TMEM218: variants seen among roughly 807,000 people sequenced by gnomAD.
TMEM218 encodes transmembrane protein 218.
Under a neutral mutation model 10.0 loss-of-function variants are expected in TMEM218, and 8 were observed. That is an observed-to-expected ratio of 0.80 (90% CI 0.47 to 1.44). The LOEUF (loss-of-function observed/expected upper bound fraction) is 1.44. TMEM218 is among the 40% of genes most tolerant of loss of function. TMEM218 has a pLI of 0.00. For missense variants in TMEM218, 110 were observed against 140.1 expected, an observed-to-expected ratio of 0.79 and a Z score of 1.08; for synonymous variants, 66 against 63.5, an observed-to-expected ratio of 1.04 and a Z score of -0.18.
chr11:125,097,403 G>C lies in TMEM218; in HGVS notation c.*203C>G, dbSNP rs1195076959. The C allele has an allele frequency of 2.0e-6, 1 of 501,878 alleles. No homozygotes were observed. Among genetic ancestry groups the C allele is most frequent in the East Asian group, 3.1e-5 (1 of 32,150 alleles). The allele number at this position is 501,878 out of a possible 1,614,324, so 31.1% of individuals were successfully genotyped here. Reference sequence around the variant, plus strand: ...AGATAGCAATATCCTTCTTAAGCTGGTAAGAATCTAGCCCCACAGGGACAA... The same window carrying C: ...AGATAGCAATATCCTTCTTAAGCTGCTAAGAATCTAGCCCCACAGGGACAA... On this transcript the variant is annotated 3_prime_UTR_variant, in exon 5 of 5. Coordinates refer to ENST00000682305, the MANE Select transcript of TMEM218 (RefSeq NM_001258244.2).
chr11:125,111,319 A>C (rs1953952593), intron 1 of TMEM218, among the ~76,000 whole-genome samples: 1 of 152,208 alleles, frequency 6.6e-6, no homozygotes, highest in Non-Finnish European at 1.5e-5. Context: ...AAGAGATCTG[A>C]ATCAGGCACT....
At position 125,097,376 on chromosome 11, in the gene TMEM218, G is replaced by A; in HGVS notation, c.*230C>T. On this transcript the variant is annotated 3_prime_UTR_variant, in exon 5 of 5. Transcript: ENST00000682305. Reference sequence around the variant, plus strand: ...GGAAATCCTAAGGTACGGGTACTAAGAAGATAGCAATATCCTTCTTAAGCT... The same window carrying A: ...GGAAATCCTAAGGTACGGGTACTAAAAAGATAGCAATATCCTTCTTAAGCT... The A allele has an allele frequency of 2.4e-6, 1 of 415,800 alleles. No homozygotes were observed. Among genetic ancestry groups the A allele is most frequent in the East Asian group, 3.7e-5 (1 of 27,280 alleles). The allele number at this position is 415,800 out of a possible 1,614,324, so 25.8% of individuals were successfully genotyped here.
At chr11:125,107,204 T>C (rs1001708348) in intron 1 of TMEM218, among the ~76,000 whole-genome samples, 5 of 152,300 alleles carry the variant, frequency 3.3e-5, no homozygotes, top group Admixed American at 2.6e-4. Flanking sequence ...ATAGTGACTG[T>C]AGGAGGTTCA....
Position 125,102,269 on chromosome 11 carries a change from G to C in TMEM218, c.-28C>G. 6.2e-7 allele frequency: 1 copy of C among 1,606,164 alleles called. No individual in the cohort carries two copies. The highest frequency in any genetic ancestry group is 8.5e-7 in the Non-Finnish European group (1 of 1,177,164). On this transcript the variant is annotated 5_prime_UTR_variant, in exon 3 of 5. Coordinates refer to ENST00000682305, the MANE Select transcript of TMEM218 (RefSeq NM_001258244.2). ...CGCGGGGAGGCAGCGGCGGCCCCCC[G>C]CCCTGCGCGCCGCACGATCGAGTGT...
rs1177052218 is a variant in TMEM218, at chr11:125,097,643, A to G, written c.311T>C (p.Leu104Pro). The change falls in exon 5 of 5, where the codon CTG (leucine) becomes CCG (proline). Residue 104 changes from leucine (L) to proline (P), a missense_variant. Coordinates refer to ENST00000682305, the MANE Select transcript of TMEM218 (RefSeq NM_001258244.2). ...CAGTGGTTTGGCATAGATCGGCTCCAGAACATAATGGATTAAAACCAAGAA... is the reference window on the plus strand; with the variant it reads ...CAGTGGTTTGGCATAGATCGGCTCCGGAACATAATGGATTAAAACCAAGAA... ...GLFLVLIHYV[L>P]EPIYAKPLHS... 1.9e-6 allele frequency: 3 copies of G among 1,614,078 alleles called. No homozygotes were observed. The Admixed American group carries it at 5.0e-5, about 27-fold the overall frequency.
At chr11:125,109,237 TATG>T (rs1169606031) in intron 1 of TMEM218, among the ~76,000 whole-genome samples, 1 of 152,234 alleles carries the variant, frequency 6.6e-6, no homozygotes, top group Non-Finnish European at 1.5e-5. Context: ...GAACCCACAG[TATG>T]ATACTACTTG....
At chr11:125,097,817 G>T in intron 4 of TMEM218, 77 bp from the exon 5 acceptor site, 1 of 1,432,914 alleles carries the variant, frequency 7.0e-7, no homozygotes, top group Non-Finnish European at 9.6e-7. Flanking sequence ...TCCATGATGA[G>T]TGGGCCAAGA....
chr11:125,102,666 G>T (rs1291603517), intron 2 of TMEM218, 68 bp downstream of exon 2: 1 of 1,292,934 alleles, frequency 7.7e-7, no homozygotes, highest in Non-Finnish European at 1.0e-6. Context: ...ACCAGGGCAT[G>T]GGAACTCCAG....
chr11:125,101,951 C>G, intron 3 of TMEM218, 181 bp downstream of exon 3: 1 of 701,586 alleles, frequency 1.4e-6, no homozygotes, highest in Non-Finnish European at 2.2e-6. Context: ...CTTCTCCTCC[C>G]ATCTCTGCTC....
chr11:125,106,610 A>G (rs988540714), intron 1 of TMEM218, among the ~76,000 whole-genome samples: 17 of 152,240 alleles, frequency 1.1e-4, no homozygotes, highest in Non-Finnish European at 2.2e-4. Flanking sequence ...TCATCCGGAA[A>G]TTGCAAATTA....
chr11:125,099,806 CTCAGCTACTCGG>C (rs1224990684), intron 4 of TMEM218, among the ~76,000 whole-genome samples: 1 of 152,058 alleles, frequency 6.6e-6, no homozygotes, highest in East Asian at 1.9e-4. Flanking sequence ...TGCCTATAAT[CTCAGCTACTCGG>C]GAGGCTGAGG....
At position 125,094,769 on chromosome 11, in the gene TMEM218, GT is replaced by G. The variant is rs1373827047; in HGVS notation, c.*2836del. 6.6e-6 allele frequency among the ~76,000 whole-genome samples: 1 copy of G among 152,206 alleles called. No homozygotes were observed. Among genetic ancestry groups the G allele is most frequent in the Non-Finnish European group, 1.5e-5 (1 of 68,038 alleles). On this transcript the variant is annotated 3_prime_UTR_variant, in exon 5 of 5. Transcript: ENST00000682305. Reference sequence around the variant, plus strand: ...CAGAACAAAAAATGGATTGCTTTATGTTAGAATAAAAACATTTAAAAATAAA... The same window carrying G: ...CAGAACAAAAAATGGATTGCTTTATGTAGAATAAAAACATTTAAAAATAAA...
rs138480376 is a variant in TMEM218, at chr11:125,101,227, A to G, written c.187T>C (p.Phe63Leu). 1.7e-5 allele frequency: 28 copies of G among 1,613,756 alleles called. 1 individual carries two copies. The African/African-American group carries it at 2.9e-4, about 17-fold the overall frequency. The change falls in exon 4 of 5, where the codon TTC becomes CTC. Residue 63 changes from phenylalanine (F) to leucine (L), a missense_variant. By Grantham distance (22) the Phe-to-Leu change is conservative. Coordinates refer to ENST00000682305, the MANE Select transcript of TMEM218 (RefSeq NM_001258244.2). ...TTAACTTCCACTTCTGGGGCTGGGA[A>G]TTCACCAGCTCGCGGGAAAAGCAAC... is the stretch of plus-strand genomic sequence containing the variant. ...VLLLFPRAGEFPAPEVEVKIV... is the reference protein window; with the variant it reads ...VLLLFPRAGELPAPEVEVKIV...
chr11:125,097,760 A>C lies in TMEM218; in HGVS notation c.214-20T>G. On this transcript the variant is annotated intron_variant, in intron 4 of 4. Coordinates refer to ENST00000682305, the MANE Select transcript of TMEM218 (RefSeq NM_001258244.2). ...CACAATCTGGAGAAAGAAAACATCAAAATGAAATTACTACCAGTTAGACAC... is the reference window on the plus strand; with the variant it reads ...CACAATCTGGAGAAAGAAAACATCACAATGAAATTACTACCAGTTAGACAC... 11 of 1,611,060 alleles carry C rather than the reference A, an allele frequency of 6.8e-6. No individual in the cohort carries two copies. The highest frequency in any genetic ancestry group is 9.3e-6 in the Non-Finnish European group (11 of 1,178,542).
intron 4 of TMEM218, among the ~76,000 whole-genome samples, chr11:125,099,921 CAAAAAAAAAA>C (rs34211632): frequency 1.0e-5 from 1 of 100,402 alleles, no homozygotes; most frequent in Non-Finnish European, 1.9e-5. Context: ...GAGACTGTCT[CAAAAAAAAAA>C]AAAAAAAAAA....
In TMEM218 at chr11:125,102,009, C is replaced by A; in HGVS notation, c.110+123G>T. 14 of 1,128,144 alleles carry A rather than the reference C, an allele frequency of 1.2e-5. No individual in the cohort carries two copies. In the South Asian group the frequency reaches 2.3e-4, roughly 19 times the overall value. 69.9% of individuals were successfully genotyped at this position (1,128,144 alleles called of 1,614,324 possible). A position where few individuals can be genotyped will look rare whatever the true frequency, so the allele number is the denominator to read the frequency against. On this transcript the variant is annotated intron_variant, in intron 3 of 4. Transcript: ENST00000682305. ...GTGTTTATAAAAAGAGGTTAAAATG[C>A]AACTCATTCAAACTGCCAGTAATTA...
chr11:125,094,608 T>C lies in TMEM218; in HGVS notation c.*2998A>G, dbSNP rs1262447973. Among the ~76,000 whole-genome samples, 2 of 151,702 alleles carry C rather than the reference T, an allele frequency of 1.3e-5. No homozygotes were observed. The highest frequency in any genetic ancestry group is 1.3e-4 in the Admixed American group (2 of 15,226). ...TTAACTGTGAAACTTTTTAAATCCC[T>C]TGTCCTCTCTGCCTGTTTCTCATCT... On this transcript the variant is annotated 3_prime_UTR_variant, in exon 5 of 5. Transcript: ENST00000682305.
intron 4 of TMEM218, among the ~76,000 whole-genome samples, 198 bp downstream of exon 4, chr11:125,101,003 A>G (rs1364910215): frequency 6.6e-6 from 1 of 152,248 alleles, no homozygotes; most frequent in Non-Finnish European, 1.5e-5. Context: ...GATGGAATTC[A>G]GAGTAAGATT....
At chr11:125,106,347 A>G (rs1952139944) in intron 1 of TMEM218, among the ~76,000 whole-genome samples, 2 of 152,220 alleles carry the variant, frequency 1.3e-5, no homozygotes, top group South Asian at 4.1e-4. Flanking sequence ...TATTAAGAAC[A>G]GTGACAAAAG....
Sources: gnomAD v4.1 joint callset for allele counts (sites outside exome capture counted in the v4.1 genomes callset) on GRCh38, gnomAD v4.1.1 for gene constraint, MANE v1.5 for transcripts, NCBI Gene and HGNC (gene_info 2026-07-23, HGNC 2026-07-21) for gene names.